ADGRV1: variants seen among roughly 807,000 people sequenced by gnomAD.
The protein encoded by ADGRV1 is adhesion G protein-coupled receptor V1, also known as G-protein coupled receptor 98.
In ADGRV1, 359 loss-of-function variants were observed where a neutral mutation model predicts 596.2. The ratio of observed to expected loss-of-function variants is 0.60; its 90% CI spans 0.55 to 0.66. The LOEUF (loss-of-function observed/expected upper bound fraction) is 0.66, where lower values mean the gene tolerates loss of function less well. Among genes scored for constraint, ADGRV1 ranks in the 30% least tolerant of loss-of-function variants. The probability of loss-of-function intolerance (pLI) is 0.00; values close to 1 mark genes in which losing one functional copy is unlikely to be tolerated. For missense variants in ADGRV1, 7,274 were observed against 7,575.6 expected, an observed-to-expected ratio of 0.96 and a Z score of 1.48; for synonymous variants, 2,681 against 2,679.2, an observed-to-expected ratio of 1.00 and a Z score of -0.02.
intron 87 of ADGRV1, among the ~76,000 whole-genome samples, chr5:91,117,031 T>C (rs1792905391): frequency 6.6e-6 from 1 of 152,136 alleles, no homozygotes; most frequent in South Asian, 2.1e-4. Context: ...TAAGACTAAA[T>C]AATAGTAGGT....
chr5:90,869,918 T>A (rs890731546), intron 83 of ADGRV1, among the ~76,000 whole-genome samples: 1 of 152,218 alleles, frequency 6.6e-6, no homozygotes, highest in Admixed American at 6.5e-5. Context: ...AAAACTGCTA[T>A]ACTAAGTTGC....
intron 83 of ADGRV1, among the ~76,000 whole-genome samples, chr5:90,933,195 A>G (rs1036253853): frequency 1.3e-5 from 2 of 152,180 alleles, no homozygotes; most frequent in African/African-American, 4.8e-5. Context: ...GAACATACAA[A>G]CAAAATTTAC....
intron 78 of ADGRV1, among the ~76,000 whole-genome samples, chr5:90,846,025 A>G (rs561608936): frequency 1.7e-4 from 26 of 152,334 alleles, no homozygotes; most frequent in Admixed American, 1.4e-3. Context: ...ATTCTTATAA[A>G]TGCCAATCTT....
chr5:90,985,936 C>G (rs1378235028), intron 85 of ADGRV1, among the ~76,000 whole-genome samples: 1 of 152,030 alleles, frequency 6.6e-6, no homozygotes, highest in Admixed American at 6.6e-5. Flanking sequence ...TCCCTGAATA[C>G]TGAACGACTG....
Position 90,940,217 on chromosome 5 carries a change from T to A in ADGRV1, c.17857-25198T>A, listed in dbSNP as rs149373021. ...TCTTTTGAGGACTTGGATATAAATC[T>A]GATTCTGTCTTGTAACCAAAATATG... On this transcript the variant is annotated intron_variant, in intron 83 of 89. Transcript: ENST00000405460. Among the ~76,000 whole-genome samples the A allele has an allele frequency of 3.0e-3, 451 of 152,378 alleles. 1 individual carries two copies. Among genetic ancestry groups the A allele is most frequent in the African/African-American group, 0.011 (437 of 41,598 alleles).
chr5:90,890,654 C>G (rs1222711278), intron 83 of ADGRV1, among the ~76,000 whole-genome samples: 1 of 152,094 alleles, frequency 6.6e-6, no homozygotes, highest in African/African-American at 2.4e-5. Context: ...TACACGCCTC[C>G]TTACATATAA....
chr5:90,830,568 G>A (rs557762201), intron 77 of ADGRV1, among the ~76,000 whole-genome samples: 160 of 152,148 alleles, frequency 1.1e-3, no homozygotes, highest in South Asian at 2.1e-3. Context: ...AGAATCTGAA[G>A]GCCAGCAACT....
At chr5:90,776,269 A>G (rs1269999945) in intron 60 of ADGRV1, among the ~76,000 whole-genome samples, 184 bp from the exon 61 acceptor site, 1 of 152,130 alleles carries the variant, frequency 6.6e-6, no homozygotes, top group Non-Finnish European at 1.5e-5. Context: ...ATTTGCCTCC[A>G]TGTCTTCAAG....
At position 90,716,662 on chromosome 5, in the gene ADGRV1, C is replaced by G. The variant is rs1405316052; in HGVS notation, c.9380C>G (p.Ser3127Ter). The change falls in exon 43 of 90, where the codon TCA (serine) becomes TGA (stop). Residue 3127 changes from serine to a stop codon, truncating the protein, a stop_gained. Transcript: ENST00000405460. LOFTEE classifies it high-confidence loss of function. ...VQFIVTEVNSSNESKDLTPSK... is the reference protein window; with the variant it reads ...VQFIVTEVNS ...TTCATTGTGACAGAAGTGAATTCCTCAAATGAATCTAAAGATCTGACTCCT... is the reference window on the plus strand; with the variant it reads ...TTCATTGTGACAGAAGTGAATTCCTGAAATGAATCTAAAGATCTGACTCCT... 2.5e-6 allele frequency: 4 copies of G among 1,612,656 alleles called. No homozygotes were observed. The highest frequency in any genetic ancestry group is 3.4e-6 in the Non-Finnish European group (4 of 1,178,862).
In ADGRV1 at chr5:90,810,576, G is replaced by A; in HGVS notation, c.15316G>A (p.Asp5106Asn). Residue 5106 changes from aspartate (D) to asparagine (N), a missense_variant, in exon 74 of 90, where the codon GAT (aspartate) becomes AAT (asparagine). Coordinates refer to ENST00000405460, the MANE Select transcript of ADGRV1 (RefSeq NM_032119.4). The part of the protein sequence containing the change: ...SVEIRGLQKF[D>N]VNWSPRLNLD... ...AGAAATTAGGGGATTACAAAAGTTT[G>A]ATGTTAATTGGAGCCCACGCCTGAA... 1 of 1,613,892 alleles carries A rather than the reference G, an allele frequency of 6.2e-7. No homozygotes were observed. The highest frequency in any genetic ancestry group is 8.5e-7 in the Non-Finnish European group (1 of 1,179,858).
chr5:90,781,941 CT>C (rs1017500413), intron 65 of ADGRV1, among the ~76,000 whole-genome samples: 51 of 152,238 alleles, frequency 3.4e-4, no homozygotes, highest in African/African-American at 1.2e-3. Context: ...GAATAATCAT[CT>C]TTGAAATGAA....
At chr5:91,135,930 A>T (rs1253803626) in intron 87 of ADGRV1, among the ~76,000 whole-genome samples, 2 of 152,186 alleles carry the variant, frequency 1.3e-5, no homozygotes, top group Admixed American at 6.5e-5. Context: ...TACTTAACTG[A>T]TAAGTAGGAT....
At chr5:90,881,260 G>A (rs1018785621) in intron 83 of ADGRV1, among the ~76,000 whole-genome samples, 1 of 152,182 alleles carries the variant, frequency 6.6e-6, no homozygotes. Flanking sequence ...TCCAGGAAGG[G>A]TTTGCATTTG....
At chr5:91,011,077 T>G (rs1782681996) in intron 85 of ADGRV1, among the ~76,000 whole-genome samples, 1 of 151,886 alleles carries the variant, frequency 6.6e-6, no homozygotes, top group Non-Finnish European at 1.5e-5. Context: ...CTCTAGGAAA[T>G]GGGATGGGGA....
At chr5:90,997,300 C>T (rs1283651143) in intron 85 of ADGRV1, among the ~76,000 whole-genome samples, 1 of 152,044 alleles carries the variant, frequency 6.6e-6, no homozygotes, top group African/African-American at 2.4e-5. Flanking sequence ...TAGCACCATC[C>T]CCAGAGTGCT....
chr5:90,856,018 G>A, intron 82 of ADGRV1, 117 bp downstream of exon 82: 1 of 821,112 alleles, frequency 1.2e-6, no homozygotes, highest in East Asian at 2.5e-5. Context: ...ATCAGCACTA[G>A]AAGAATACAA....
intron 87 of ADGRV1, among the ~76,000 whole-genome samples, chr5:91,113,653 T>G (rs1792579007): frequency 6.6e-6 from 1 of 152,222 alleles, no homozygotes. Context: ...GTGCAGTGGC[T>G]CATGCCTATA....
At chr5:90,979,361 G>A (rs768890398) in intron 84 of ADGRV1, among the ~76,000 whole-genome samples, 11 of 151,958 alleles carry the variant, frequency 7.2e-5, no homozygotes, top group Non-Finnish European at 1.5e-4. Context: ...GTAAAGACGG[G>A]GTTTCCCTAT....
At chr5:91,113,214 C>A (rs2973447) in intron 87 of ADGRV1, among the ~76,000 whole-genome samples, 18,830 of 152,156 alleles carry the variant, frequency 0.12, 1,326 homozygotes, top group African/African-American at 0.2. Context: ...CAGGTAACTT[C>A]TATGGCTGAA....
Sources: gnomAD v4.1 joint callset for allele counts (sites outside exome capture counted in the v4.1 genomes callset) on GRCh38, gnomAD v4.1.1 for gene constraint, MANE v1.5 for transcripts, NCBI Gene and HGNC (gene_info 2026-07-23, HGNC 2026-07-21) for gene names.